The following CNTNAP3 variants were observed in gnomAD, a reference collection of about 807,000 sequenced individuals.
CNTNAP3 encodes contactin associated protein family member 3.
A neutral mutation model predicts 92.1 loss-of-function variants in CNTNAP3; 36 were observed. The ratio of observed to expected loss-of-function variants is 0.39; its 90% CI spans 0.30 to 0.52. The LOEUF (loss-of-function observed/expected upper bound fraction) is 0.52, where lower values mean the gene tolerates loss of function less well. Ranked by LOEUF, CNTNAP3 falls within the 20% of genes least tolerant of loss-of-function variation. The pLI is 0.76. For missense variants in CNTNAP3, 534 were observed against 1,069.6 expected, an observed-to-expected ratio of 0.50 and a Z score of 6.98; for synonymous variants, 232 against 422.3, an observed-to-expected ratio of 0.55 and a Z score of 5.53.
chr9:39,119,944 T>A (rs1587717591), intron 13 of CNTNAP3, among the ~76,000 whole-genome samples: 1 of 151,964 alleles, frequency 6.6e-6, no homozygotes, highest in Non-Finnish European at 1.5e-5. Flanking sequence ...GAAAACAGAC[T>A]GAATATAAAA....
chr9:39,126,636 A>G (rs1398704201), intron 13 of CNTNAP3, among the ~76,000 whole-genome samples: 4 of 152,138 alleles, frequency 2.6e-5, no homozygotes, highest in Admixed American at 1.3e-4. Context: ...ACATTTGAAA[A>G]TTAATTAATA....
In CNTNAP3 at chr9:39,152,935, G is replaced by A. The variant is rs183171245; in HGVS notation, c.1478-2958C>T. Among the ~76,000 whole-genome samples, 9 of 110,220 alleles carry A rather than the reference G, an allele frequency of 8.2e-5. 1 individual carries two copies. The East Asian group carries it at 2.3e-3, about 28-fold the overall frequency. 72.3% of individuals were successfully genotyped at this position (110,220 alleles called of 152,430 possible). A position where few individuals can be genotyped will look rare whatever the true frequency, so the allele number is the denominator to read the frequency against. Reference sequence around the variant, plus strand: ...CCTGCCTCGGCCTCCCAAAGTGCTGGGATTACAGGTGTAAGCCACAGCGCC... The same window carrying A: ...CCTGCCTCGGCCTCCCAAAGTGCTGAGATTACAGGTGTAAGCCACAGCGCC... On this transcript the variant is annotated intron_variant, in intron 9 of 23. Coordinates refer to ENST00000297668, the MANE Select transcript of CNTNAP3 (RefSeq NM_033655.5).
intron 14 of CNTNAP3, among the ~76,000 whole-genome samples, chr9:39,115,351 A>C (rs1165519272): frequency 1.3e-5 from 2 of 152,100 alleles, no homozygotes; most frequent in African/African-American, 4.8e-5. Flanking sequence ...TTATGTTCTT[A>C]TGTCTACACC....
Position 39,133,123 on chromosome 9 carries a change from C to T in CNTNAP3, c.1889G>A (p.Trp630Ter), listed in dbSNP as rs1211268076. ...GGGGCCACCGTGCTGCACCACCGTC[C>T]ACGCGGCGTCTGCTGAGCAGAAACG... The part of the protein sequence containing the change: ...VYCNMTADAA[W>*]TVVQHGGPDA... Residue 630 changes from tryptophan to a stop codon, truncating the protein, a stop_gained, in exon 13 of 24, where the codon TGG becomes TAG. Transcript: ENST00000297668. LOFTEE classifies it high-confidence loss of function. 3.2e-6 allele frequency: 5 copies of T among 1,573,668 alleles called. No homozygotes were observed. Among genetic ancestry groups the T allele is most frequent in the Non-Finnish European group, 4.3e-6 (5 of 1,165,216 alleles).
At chr9:39,102,383 A>C in intron 17 of CNTNAP3, 114 bp downstream of exon 17, 1 of 1,537,530 alleles carries the variant, frequency 6.5e-7, no homozygotes, top group Non-Finnish European at 8.8e-7. Context: ...AAATAGTACC[A>C]ATAAGCAGTA....
At position 39,069,151 on chromosome 9, in the gene CNTNAP3, G is replaced by A. The variant is rs1206350598; in HGVS notation, c.*4739C>T. On this transcript the variant is annotated 3_prime_UTR_variant, in exon 24 of 24. Transcript: ENST00000297668. ...AACATTGTAGATTGGAGCATATTAT[G>A]GGAGCAAGGCAACCTGTAGAATTGG... Among the ~76,000 whole-genome samples the A allele has an allele frequency of 5.9e-5, 9 of 151,838 alleles. No individual in the cohort carries two copies. Among genetic ancestry groups the A allele is most frequent in the Non-Finnish European group, 1.3e-4 (9 of 68,028 alleles).
At chr9:39,089,377 T>C (rs181641990) in intron 18 of CNTNAP3, among the ~76,000 whole-genome samples, 14 of 152,388 alleles carry the variant, frequency 9.2e-5, no homozygotes, top group Admixed American at 6.5e-4. Flanking sequence ...TTGTAGCATG[T>C]ATCAGTATTT....
intron 10 of CNTNAP3, among the ~76,000 whole-genome samples, chr9:39,147,776 C>G (rs985808529): frequency 3.9e-5 from 6 of 152,236 alleles, no homozygotes; most frequent in African/African-American, 1.4e-4. Context: ...AACAAAACAG[C>G]CTATAACAGT....
chr9:39,093,781 T>G (rs1178304405), intron 18 of CNTNAP3, among the ~76,000 whole-genome samples: 1 of 151,560 alleles, frequency 6.6e-6, no homozygotes, highest in Non-Finnish European at 1.5e-5. Context: ...GATGGACACT[T>G]GTATTATTTC....
intron 14 of CNTNAP3, among the ~76,000 whole-genome samples, chr9:39,109,548 A>C (rs1826691871): frequency 6.6e-6 from 1 of 152,180 alleles, no homozygotes; most frequent in Non-Finnish European, 1.5e-5. Context: ...CTCTGCCACC[A>C]AAGTGTGAAA....
chr9:39,118,872 G>A lies in CNTNAP3; in HGVS notation c.2081-613C>T, dbSNP rs545674285. Among the ~76,000 whole-genome samples, 3 of 152,296 alleles carry A rather than the reference G, an allele frequency of 2.0e-5. No individual in the cohort carries two copies. The East Asian group carries it at 5.8e-4, about 29-fold the overall frequency. On this transcript the variant is annotated intron_variant, in intron 13 of 23. Coordinates refer to ENST00000297668, the MANE Select transcript of CNTNAP3 (RefSeq NM_033655.5). ...CTCATGCGAAGAAACAAAGTGCCCT[G>A]GGTCAACTACAGCTCTGACGAGTGC...
intron 15 of CNTNAP3, among the ~76,000 whole-genome samples, chr9:39,106,150 C>T (rs1051049631): frequency 1.3e-5 from 2 of 151,490 alleles, no homozygotes; most frequent in African/African-American, 4.9e-5. Context: ...CCCAGCTGCC[C>T]CAAAAGAAGG....
chr9:39,135,259 A>G (rs1420240141), intron 12 of CNTNAP3, among the ~76,000 whole-genome samples: 3 of 152,058 alleles, frequency 2.0e-5, no homozygotes, highest in African/African-American at 7.2e-5. Context: ...CATCTAATAT[A>G]ACCCTTATAT....
intron 11 of CNTNAP3, 113 bp downstream of exon 11, chr9:39,144,127 A>G: frequency 1.4e-6 from 2 of 1,403,980 alleles, no homozygotes; most frequent in South Asian, 1.6e-5. Context: ...GTGCTGAAAT[A>G]TCTCTTCTGA....
At chr9:39,087,174 T>G (rs1367456500) in intron 19 of CNTNAP3, among the ~76,000 whole-genome samples, 1 of 152,222 alleles carries the variant, frequency 6.6e-6, no homozygotes, top group Non-Finnish European at 1.5e-5. Context: ...AAATTCATTA[T>G]GACTTTGATA....
At chr9:39,117,973 A>G in intron 14 of CNTNAP3, 130 bp downstream of exon 14, 1 of 1,534,140 alleles carries the variant, frequency 6.5e-7, no homozygotes, top group Admixed American at 2.0e-5. Flanking sequence ...TTTCATCAAA[A>G]CTTGTATTTC....
intron 13 of CNTNAP3, among the ~76,000 whole-genome samples, chr9:39,129,517 A>G (rs1390572390): frequency 6.6e-6 from 1 of 152,230 alleles, no homozygotes; most frequent in African/African-American, 2.4e-5. Flanking sequence ...AGGTAAAACT[A>G]GAAAACTTTT....
intron 10 of CNTNAP3, among the ~76,000 whole-genome samples, chr9:39,148,140 G>C (rs1395732117): frequency 5.3e-5 from 8 of 151,864 alleles, no homozygotes; most frequent in Non-Finnish European, 1.2e-4. Flanking sequence ...ACTACAGAGT[G>C]GGGTTCTGGA....
In CNTNAP3 at chr9:39,146,544, C is replaced by T. The variant is rs562738937; in HGVS notation, c.1650-2198G>A. Among the ~76,000 whole-genome samples, 3 of 152,130 alleles carry T rather than the reference C, an allele frequency of 2.0e-5. No homozygotes were observed. The South Asian group carries it at 6.2e-4, about 32-fold the overall frequency. On this transcript the variant is annotated intron_variant, in intron 10 of 23. Transcript: ENST00000297668. ...CTTTACTAAAAATACAAAAAATTAG[C>T]CAGGTGTGGTGGCGGGCGCCTGTAG...
Sources: allele counts gnomAD v4.1 joint callset (sites outside exome capture counted in the v4.1 genomes callset), GRCh38; gene constraint gnomAD v4.1.1; transcripts MANE v1.5; gene names NCBI Gene and HGNC (gene_info 2026-07-23, HGNC 2026-07-21).